CHTF8: variants seen among roughly 807,000 people sequenced by gnomAD.
CHTF8 encodes chromosome transmission fidelity protein 8 homolog.
Under a neutral mutation model 11.0 loss-of-function variants are expected in CHTF8, and 6 were observed. That is an observed-to-expected ratio of 0.55 (90% CI 0.30 to 1.08). The LOEUF is 1.08. Ranked by LOEUF, CHTF8 falls within the 50% of genes least tolerant of loss-of-function variation. CHTF8 has a pLI of 0.07. For missense variants in CHTF8, 140 were observed against 153.1 expected, an observed-to-expected ratio of 0.91 and a Z score of 0.45; for synonymous variants, 53 against 60.5, an observed-to-expected ratio of 0.88 and a Z score of 0.57.
In CHTF8 at chr16:69,118,308, G is replaced by A; in HGVS notation, c.*2117C>T. The A allele has an allele frequency of 8.5e-7, 1 of 1,180,566 alleles. No homozygotes were observed. Among genetic ancestry groups the A allele is most frequent in the Non-Finnish European group, 1.3e-6 (1 of 785,086 alleles). 73.1% of individuals were successfully genotyped at this position (1,180,566 alleles called of 1,614,324 possible). A position where few individuals can be genotyped will look rare whatever the true frequency, so the allele number is the denominator to read the frequency against. ...CAGTCAAGCAGAAACTGCATTCGGT[G>A]GGTCTTTCTTTGAAGTGGTTGTCCA... is the stretch of plus-strand genomic sequence containing the variant. On this transcript the variant is annotated 3_prime_UTR_variant, in exon 4 of 4. Coordinates refer to ENST00000448552, the MANE Select transcript of CHTF8 (RefSeq NM_001039690.5).
At position 69,119,398 on chromosome 16, in the gene CHTF8, T is replaced by C. The variant is rs1230351939; in HGVS notation, c.*1027A>G. On this transcript the variant is annotated 3_prime_UTR_variant, in exon 4 of 4. Transcript: ENST00000448552. Reference sequence around the variant, plus strand: ...AACTGGCCTTGAGAAATGAGCTGAATTAGGGCCTATGGGGCCAGGAGCCCT... The same window carrying C: ...AACTGGCCTTGAGAAATGAGCTGAACTAGGGCCTATGGGGCCAGGAGCCCT... 1 of 702,820 alleles carries C rather than the reference T, an allele frequency of 1.4e-6. No individual in the cohort carries two copies. Among genetic ancestry groups the C allele is most frequent in the Admixed American group, 2.0e-5 (1 of 49,994 alleles). The allele number at this position is 702,820 out of a possible 1,614,324, so 43.5% of individuals were successfully genotyped here.
intron 1 of CHTF8, chr16:69,132,041 G>C (rs1308768207): frequency 6.5e-6 from 1 of 153,044 alleles, no homozygotes; most frequent in Admixed American, 6.5e-5. Flanking sequence ...CAAGCATAGC[G>C]GGCTGGGCTC....
Position 69,121,077 on chromosome 16 carries a change from CAGG to C in CHTF8, c.114_116del (p.Leu39del), listed in dbSNP as rs754295049. 6.8e-6 allele frequency: 11 copies of C among 1,613,912 alleles called. No individual in the cohort carries two copies. The highest frequency in any genetic ancestry group is 6.7e-5 in the Admixed American group (4 of 59,994). Reference sequence around the variant, plus strand: ...CCTCAGTGGTGTAATGTAGGTCTCCCAGGAGGTTTCCAGCTAATCCAGTGCTGT... The same window carrying C: ...CCTCAGTGGTGTAATGTAGGTCTCCCAGGTTTCCAGCTAATCCAGTGCTGT... On this transcript the variant is annotated inframe_deletion, in exon 3 of 4. Coordinates refer to ENST00000448552, the MANE Select transcript of CHTF8 (RefSeq NM_001039690.5).
At chr16:69,122,901 A>T (rs189690446) in intron 1 of CHTF8, among the ~76,000 whole-genome samples, 2 of 151,234 alleles carry the variant, frequency 1.3e-5, no homozygotes, top group East Asian at 3.9e-4. Flanking sequence ...CTGGTCTCAA[A>T]CTCCTGACCT....
At chr16:69,122,182 T>C (rs911477270) in intron 1 of CHTF8, among the ~76,000 whole-genome samples, 62 of 152,328 alleles carry the variant, frequency 4.1e-4, no homozygotes, top group African/African-American at 1.2e-3. Context: ...TAAGTGGGAA[T>C]TGTTCTTTTA....
intron 1 of CHTF8, among the ~76,000 whole-genome samples, chr16:69,125,739 T>C (rs561294505): frequency 6.6e-6 from 1 of 152,188 alleles, no homozygotes; most frequent in Admixed American, 6.5e-5. Context: ...AAAAATCCTT[T>C]TATAAGGTTT....
At chr16:69,130,836 G>A (rs1387368183) in intron 1 of CHTF8, among the ~76,000 whole-genome samples, 1 of 152,188 alleles carries the variant, frequency 6.6e-6, no homozygotes, top group African/African-American at 2.4e-5. Flanking sequence ...CAGGTCATCA[G>A]AATAAAATCA....
At chr16:69,121,210 G>T (rs2152266862) in intron 2 of CHTF8, 40 bp from the exon 3 acceptor site, 2 of 1,570,764 alleles carry the variant, frequency 1.3e-6, no homozygotes, top group South Asian at 1.1e-5. Context: ...TTTTTGAGGG[G>T]TGAAGGATGA....
intron 1 of CHTF8, among the ~76,000 whole-genome samples, chr16:69,129,947 T>C (rs1244367435): frequency 6.6e-6 from 1 of 152,206 alleles, no homozygotes; most frequent in Non-Finnish European, 1.5e-5. Context: ...TTTAGAAAAA[T>C]CTACTCAATG....
At chr16:69,122,298 C>A (rs539077470) in intron 1 of CHTF8, among the ~76,000 whole-genome samples, 1 of 152,218 alleles carries the variant, frequency 6.6e-6, no homozygotes, top group Admixed American at 6.5e-5. Context: ...ATGATATGAA[C>A]CGAAGACATA....
At chr16:69,124,874 C>A (rs780242775) in intron 1 of CHTF8, among the ~76,000 whole-genome samples, 7 of 152,018 alleles carry the variant, frequency 4.6e-5, no homozygotes, top group Non-Finnish European at 8.8e-5. Context: ...TCCTAGAGCA[C>A]CAAACACTTT....
At position 69,118,066 on chromosome 16, in the gene CHTF8, CACCA is replaced by C. The variant is rs767806629; in HGVS notation, c.*2355_*2358del. 6.3e-5 allele frequency: 30 copies of C among 478,274 alleles called. No homozygotes were observed. Among genetic ancestry groups the C allele is most frequent in the Non-Finnish European group, 1.0e-4 (27 of 265,096 alleles). The allele number at this position is 478,274 out of a possible 1,614,324, so 29.6% of individuals were successfully genotyped here. On this transcript the variant is annotated 3_prime_UTR_variant, in exon 4 of 4. Transcript: ENST00000448552. ...AAGAAAAGATACAATGCAGGAAAACCACCAACCATCCTTGCACACCAGGCCGAAC... is the reference window on the plus strand; with the variant it reads ...AAGAAAAGATACAATGCAGGAAAACCACCATCCTTGCACACCAGGCCGAAC...
rs1428706305 is a variant in CHTF8 at position 69,120,804 on chromosome 16, T to C, written c.142-155A>G. On this transcript the variant is annotated intron_variant, in intron 3 of 3. Transcript: ENST00000448552. This position sits in a 1 kb window ranked among gnomAD's most constrained non-coding sequence, Gnocchi z 4.0. The stretch of plus-strand genomic sequence containing the variant: ...GCAGCCACACTGGACCACCCACCCA[T>C]GTGCCCTTTTTACTTTCTAGCCCCA... 4.1e-6 allele frequency: 3 copies of C among 733,682 alleles called. No homozygotes were observed. The African/African-American group carries it at 5.2e-5, about 13-fold the overall frequency. 45.4% of individuals were successfully genotyped at this position (733,682 alleles called of 1,614,324 possible). A position where few individuals can be genotyped will look rare whatever the true frequency, so the allele number is the denominator to read the frequency against.
chr16:69,118,134 CCCTAATT>C lies in CHTF8; in HGVS notation c.*2284_*2290del. The stretch of plus-strand genomic sequence containing the variant: ...TTCTTCCCTTCATCCCCCACCCCCA[CCCTAATT>C]CCCATATTCCCATCCACATCAGTTT... On this transcript the variant is annotated 3_prime_UTR_variant, in exon 4 of 4. Coordinates refer to ENST00000448552, the MANE Select transcript of CHTF8 (RefSeq NM_001039690.5). 2.7e-6 allele frequency: 1 copy of C among 371,178 alleles called. No individual in the cohort carries two copies. The highest frequency in any genetic ancestry group is 2.1e-5 in the African/African-American group (1 of 47,980). The allele number at this position is 371,178 out of a possible 1,614,324, so 23.0% of individuals were successfully genotyped here.
chr16:69,118,412 G>A lies in CHTF8; in HGVS notation c.*2013C>T, dbSNP rs1467003007. ...CCAGGTCCAAGCTGCCCAGGTCAGAGCTACGGAAGCATGGTCCGTTCACCA... is the reference window on the plus strand; with the variant it reads ...CCAGGTCCAAGCTGCCCAGGTCAGAACTACGGAAGCATGGTCCGTTCACCA... On this transcript the variant is annotated 3_prime_UTR_variant, in exon 4 of 4. Coordinates refer to ENST00000448552, the MANE Select transcript of CHTF8 (RefSeq NM_001039690.5). 1.2e-6 allele frequency: 2 copies of A among 1,613,588 alleles called. No individual in the cohort carries two copies. The highest frequency in any genetic ancestry group is 1.7e-6 in the Non-Finnish European group (2 of 1,179,596).
At chr16:69,121,678 T>A (rs1567589682) in intron 1 of CHTF8, among the ~76,000 whole-genome samples, 185 bp from the exon 2 acceptor site, 1 of 150,964 alleles carries the variant, frequency 6.6e-6, no homozygotes, top group Non-Finnish European at 1.5e-5. Flanking sequence ...GGGGTTTTTT[T>A]TTTTTTTGAG....
intron 1 of CHTF8, among the ~76,000 whole-genome samples, chr16:69,127,808 C>A (rs1465267937): frequency 1.3e-5 from 2 of 151,986 alleles, no homozygotes; most frequent in Non-Finnish European, 2.9e-5. Flanking sequence ...CAGGGTTTCA[C>A]CATCTTGGCC....
chr16:69,119,896 C>A lies in CHTF8; in HGVS notation c.*529G>T. On this transcript the variant is annotated 3_prime_UTR_variant, in exon 4 of 4. Transcript: ENST00000448552. Reference sequence around the variant, plus strand: ...TCTCAGGTTAGGTCCAGATCCAGGGCCCATGGGACCACCACCTCTGGGGTC... The same window carrying A: ...TCTCAGGTTAGGTCCAGATCCAGGGACCATGGGACCACCACCTCTGGGGTC... 2 of 702,162 alleles carry A rather than the reference C, an allele frequency of 2.8e-6. No individual in the cohort carries two copies. Among genetic ancestry groups the A allele is most frequent in the Non-Finnish European group, 5.2e-6 (2 of 385,000 alleles). The allele number at this position is 702,162 out of a possible 1,614,324, so 43.5% of individuals were successfully genotyped here. A position where few individuals can be genotyped will look rare whatever the true frequency, so the allele number is the denominator to read the frequency against.
rs1245265007 is a variant in CHTF8 at position 69,132,564 on chromosome 16, G to T, written c.-116C>A. Reference sequence around the variant, plus strand: ...CTCCCGCCGCCGTCGCCGCCGCCGCGAGCACTGCCTGCGCACTTCCGACTA... The same window carrying T: ...CTCCCGCCGCCGTCGCCGCCGCCGCTAGCACTGCCTGCGCACTTCCGACTA... On this transcript the variant is annotated 5_prime_UTR_variant, in exon 1 of 4. Coordinates refer to ENST00000448552, the MANE Select transcript of CHTF8 (RefSeq NM_001039690.5). The T allele has an allele frequency of 1.6e-5, 6 of 384,780 alleles. No individual in the cohort carries two copies. Among genetic ancestry groups the T allele is most frequent in the Non-Finnish European group, 2.6e-5 (5 of 195,926 alleles). The allele number at this position is 384,780 out of a possible 1,614,324, so 23.8% of individuals were successfully genotyped here. A position where few individuals can be genotyped will look rare whatever the true frequency, so the allele number is the denominator to read the frequency against.
Sources: gnomAD v4.1 joint callset for allele counts (sites outside exome capture counted in the v4.1 genomes callset) on GRCh38, gnomAD v4.1.1 for gene constraint, Gnocchi (gnomAD v3.1) non-coding constraint, MANE v1.5 for transcripts, NCBI Gene and HGNC (gene_info 2026-07-23, HGNC 2026-07-21) for gene names.